BLZF1: variants seen among roughly 807,000 people sequenced by gnomAD.
BLZF1 encodes basic leucine zipper nuclear factor 1, also known as golgin-45.
A neutral mutation model predicts 43.8 loss-of-function variants in BLZF1; 39 were observed. The ratio of observed to expected loss-of-function variants is 0.89; its 90% CI spans 0.69 to 1.16. BLZF1 has a LOEUF of 1.16. Ranked by LOEUF, BLZF1 falls within the 50% of genes most tolerant of loss-of-function variation. The pLI, the probability that BLZF1 is intolerant of heterozygous loss-of-function variation, is 0.00. For synonymous variants in BLZF1, 136 were observed against 159.4 expected (o/e 0.85, Z 1.11); for missense variants, 449 against 469.8 (o/e 0.96, Z 0.41).
chr1:169,382,513 T>G (rs532543350), intron 6 of BLZF1, among the ~76,000 whole-genome samples: 1 of 152,290 alleles, frequency 6.6e-6, no homozygotes, highest in African/African-American at 2.4e-5. Flanking sequence ...TTGAAAGAGG[T>G]CCTATGTTTT....
At chr1:169,372,209 T>A (rs1352094703) in intron 2 of BLZF1, among the ~76,000 whole-genome samples, 1 of 148,570 alleles carries the variant, frequency 6.7e-6, no homozygotes, top group Non-Finnish European at 1.5e-5. Context: ...TGGGTGACAT[T>A]TAAAAAGACT....
At position 169,387,220 on chromosome 1, in the gene BLZF1, A is replaced by G; in HGVS notation, c.*38A>G. 6 of 1,571,656 alleles carry G rather than the reference A, an allele frequency of 3.8e-6. No homozygotes were observed. Among genetic ancestry groups the G allele is most frequent in the Non-Finnish European group, 5.2e-6 (6 of 1,153,688 alleles). ...TGGAGGCATGCTAAGGTACTTCCTTATTACCCAAGAGTCATTATTATTTGG... is the reference window on the plus strand; with the variant it reads ...TGGAGGCATGCTAAGGTACTTCCTTGTTACCCAAGAGTCATTATTATTTGG... On this transcript the variant is annotated 3_prime_UTR_variant, in exon 7 of 7. Coordinates refer to ENST00000367808, the MANE Select transcript of BLZF1 (RefSeq NM_001320973.2).
chr1:169,382,104 G>A lies in BLZF1; in HGVS notation c.840G>A (p.Glu280=). ...TAGTTTCCTTGCAATGGGGAAGAGA[G>A]CAAACTTACTCCCCTAGTGTACAAC... ...ELLVSLQWGR[E]QTYSPSVQPH... Residue 280 remains glutamate (E), a synonymous_variant, in exon 6 of 7, where the codon GAG becomes GAA. Transcript: ENST00000367808. 6.2e-7 allele frequency: 1 copy of A among 1,613,818 alleles called. No homozygotes were observed. The highest frequency in any genetic ancestry group is 8.5e-7 in the Non-Finnish European group (1 of 1,179,736).
chr1:169,389,650 C>T (rs1224670989), downstream of BLZF1, among the ~76,000 whole-genome samples: 4 of 152,176 alleles, frequency 2.6e-5, no homozygotes, highest in Non-Finnish European at 4.4e-5. Flanking sequence ...GGTATTTGTA[C>T]AACAGTGTTC....
intron 6 of BLZF1, among the ~76,000 whole-genome samples, chr1:169,385,683 G>A (rs1185359801): frequency 1.3e-5 from 2 of 152,072 alleles, no homozygotes; most frequent in Admixed American, 6.6e-5. Flanking sequence ...AAAATAGAAG[G>A]ATCTCAAAAA....
chr1:169,377,136 A>C, intron 3 of BLZF1, 157 bp downstream of exon 3: 1 of 669,050 alleles, frequency 1.5e-6, no homozygotes, highest in Non-Finnish European at 2.6e-6. Context: ...ATTCTTTCTC[A>C]GTTCTCTAGG....
At chr1:169,393,659 T>C (rs1486066222) in intron 7 of BLZF1, among the ~76,000 whole-genome samples, 1 of 151,162 alleles carries the variant, frequency 6.6e-6, no homozygotes, top group Non-Finnish European at 1.5e-5. Flanking sequence ...TGGAGTGCAG[T>C]GATGCAATCT....
chr1:169,381,962 G>A, intron 5 of BLZF1, 100 bp from the exon 6 acceptor site: 2 of 909,992 alleles, frequency 2.2e-6, no homozygotes, highest in Non-Finnish European at 3.3e-6. Flanking sequence ...AGAGAAAGAT[G>A]TTATATAATT....
chr1:169,385,190 G>C (rs756062429), intron 6 of BLZF1, among the ~76,000 whole-genome samples: 13 of 151,948 alleles, frequency 8.6e-5, no homozygotes, highest in Non-Finnish European at 1.8e-4. Flanking sequence ...GTATCCTCAG[G>C]GCTTGATTTA....
chr1:169,391,741 G>A (rs1414779176), downstream of BLZF1, among the ~76,000 whole-genome samples: 1 of 132,254 alleles, frequency 7.6e-6, no homozygotes, highest in Non-Finnish European at 1.8e-5. Context: ...AGTCCTGAAG[G>A]CCTTCCTCTG....
downstream of BLZF1, among the ~76,000 whole-genome samples, chr1:169,392,328 A>G (rs1008343534): frequency 6.6e-6 from 1 of 152,224 alleles, no homozygotes; most frequent in African/African-American, 2.4e-5. Flanking sequence ...ACACTTCCCA[A>G]TTTCAAAACT....
At chr1:169,382,929 G>A (rs1246770228) in intron 6 of BLZF1, among the ~76,000 whole-genome samples, 1 of 152,024 alleles carries the variant, frequency 6.6e-6, no homozygotes, top group African/African-American at 2.4e-5. Context: ...TGACTCCCTG[G>A]ATGTGAACAC....
At chr1:169,395,191 T>G in intron 7 of BLZF1, 1 of 1,611,954 alleles carries the variant, frequency 6.2e-7, no homozygotes, top group South Asian at 1.1e-5. Flanking sequence ...TTTCCATCCG[T>G]TTCCTTCTTA....
chr1:169,380,016 G>A (rs866174913), intron 4 of BLZF1, among the ~76,000 whole-genome samples: 40 of 151,830 alleles, frequency 2.6e-4, no homozygotes, highest in African/African-American at 9.2e-4. Flanking sequence ...TTTGTTGACT[G>A]CATATAAAAG....
At chr1:169,368,994 T>C (rs1654005802) in intron 1 of BLZF1, among the ~76,000 whole-genome samples, 1 of 152,240 alleles carries the variant, frequency 6.6e-6, no homozygotes, top group African/African-American at 2.4e-5. Context: ...TTTTAACTTT[T>C]TATTACCAAA....
intron 2 of BLZF1, among the ~76,000 whole-genome samples, chr1:169,371,004 T>C (rs1046653780): frequency 6.6e-6 from 1 of 152,212 alleles, no homozygotes; most frequent in Admixed American, 6.5e-5. Flanking sequence ...AAAACTGTTT[T>C]CTAGATGCCA....
In BLZF1 at chr1:169,386,979, A is replaced by G. The variant is rs778008272; in HGVS notation, c.1018-18A>G. 2.6e-6 allele frequency: 4 copies of G among 1,560,988 alleles called. No homozygotes were observed. Among genetic ancestry groups the G allele is most frequent in the African/African-American group, 2.7e-5 (2 of 73,156 alleles). The stretch of plus-strand genomic sequence containing the variant: ...ATCTATATTGCATACTTCTGACATT[A>G]TATCTTATTTTCCTTAGGTTCTAAG... On this transcript the variant is annotated intron_variant, in intron 6 of 6. Coordinates refer to ENST00000367808, the MANE Select transcript of BLZF1 (RefSeq NM_001320973.2).
At position 169,380,617 on chromosome 1, in the gene BLZF1, A is replaced by G; in HGVS notation, c.797+8A>G. 6.2e-7 allele frequency: 1 copy of G among 1,611,984 alleles called. No individual in the cohort carries two copies. ...AATGATAGCTACCCAGAAGTATGGC[A>G]CTTGTTTACATTCTGAACTCTTCTG... On this transcript the variant is annotated splice_region_variant and intron_variant, in intron 5 of 6. Transcript: ENST00000367808.
intron 6 of BLZF1, among the ~76,000 whole-genome samples, chr1:169,383,408 T>C (rs1654581418): frequency 6.6e-6 from 1 of 152,160 alleles, no homozygotes; most frequent in African/African-American, 2.4e-5. Context: ...CCAAGCATCA[T>C]TCATCTAAAA....
Sources: allele counts gnomAD v4.1 joint callset (sites outside exome capture counted in the v4.1 genomes callset), GRCh38; gene constraint gnomAD v4.1.1; transcripts MANE v1.5; gene names NCBI Gene and HGNC (gene_info 2026-07-23, HGNC 2026-07-21).